The following CCDC148 variants were observed in gnomAD, a reference collection of about 807,000 sequenced individuals.
The protein encoded by CCDC148 is coiled-coil domain-containing protein 148.
In CCDC148, 89 loss-of-function variants were observed where a neutral mutation model predicts 85.7. That is an observed-to-expected ratio of 1.04 (90% CI 0.87 to 1.24). CCDC148 has a LOEUF of 1.24. CCDC148 is among the 50% of genes most tolerant of loss of function. The probability of loss-of-function intolerance (pLI) is 0.00; values close to 1 mark genes in which losing one functional copy is unlikely to be tolerated. For missense variants in CCDC148, 692 were observed against 671.7 expected, an observed-to-expected ratio of 1.03 and a Z score of -0.33; for synonymous variants, 230 against 213.9, an observed-to-expected ratio of 1.08 and a Z score of -0.66.
rs75272607 is a variant in CCDC148 at position 158,262,962 on chromosome 2, T to C, written c.1111-12050A>G. Among the ~76,000 whole-genome samples, 1,005 of 152,184 alleles carry C rather than the reference T, an allele frequency of 6.6e-3. 10 individuals carry two copies. Among genetic ancestry groups the C allele is most frequent in the Non-Finnish European group, 0.012 (797 of 67,984 alleles). ...AAACCACAGGGCCAGATGAGTACCA[T>C]CTAGCATGTCACTACGTGATTACGT... On this transcript the variant is annotated intron_variant, in intron 9 of 13. Transcript: ENST00000283233.
chr2:158,199,429 G>C (rs1456643470), intron 11 of CCDC148, among the ~76,000 whole-genome samples: 2 of 152,036 alleles, frequency 1.3e-5, no homozygotes, highest in African/African-American at 4.8e-5. Flanking sequence ...ATTTTCAGTA[G>C]AGACAGGGTT....
rs202065542 is a variant in CCDC148 at position 158,179,011 on chromosome 2, C to G, written c.1371-15G>C. ...TATATTTAACCCTTTAAAAATAACA[C>G]AGAAGGAAGTTGTGGAAGCATCATA... On this transcript the variant is annotated splice_polypyrimidine_tract_variant and intron_variant, in intron 11 of 13. Coordinates refer to ENST00000283233, the MANE Select transcript of CCDC148 (RefSeq NM_138803.4). 100 of 1,580,204 alleles carry G rather than the reference C, an allele frequency of 6.3e-5. No individual in the cohort carries two copies. The highest frequency in any genetic ancestry group is 8.6e-5 in the Non-Finnish European group (99 of 1,151,320).
At chr2:158,328,714 T>C (rs911152810) in intron 7 of CCDC148, among the ~76,000 whole-genome samples, 7 of 152,232 alleles carry the variant, frequency 4.6e-5, no homozygotes, top group African/African-American at 1.4e-4. Flanking sequence ...TTCTAACTGG[T>C]GTGAGATGGT....
At chr2:158,202,393 T>C (rs968449731) in intron 11 of CCDC148, among the ~76,000 whole-genome samples, 2 of 152,248 alleles carry the variant, frequency 1.3e-5, no homozygotes, top group Non-Finnish European at 2.9e-5. Flanking sequence ...TTTGGTTTAA[T>C]AGAATGTCAA....
intron 9 of CCDC148, among the ~76,000 whole-genome samples, chr2:158,263,160 G>A (rs969594276): frequency 1.3e-5 from 2 of 151,994 alleles, no homozygotes; most frequent in East Asian, 1.9e-4. Context: ...ATTCACAAAG[G>A]AGGATTTGGA....
intron 7 of CCDC148, among the ~76,000 whole-genome samples, chr2:158,336,706 CCATAA>C (rs1223734692): frequency 1.3e-5 from 2 of 152,100 alleles, no homozygotes; most frequent in Admixed American, 6.6e-5. Flanking sequence ...CCTACTGTTC[CCATAA>C]CATATCTTGC....
intron 11 of CCDC148, among the ~76,000 whole-genome samples, chr2:158,184,423 G>C (rs1339795846): frequency 6.6e-6 from 1 of 152,126 alleles, no homozygotes; most frequent in Non-Finnish European, 1.5e-5. Context: ...GGTTATAATA[G>C]TGGGGGGAAA....
chr2:158,338,082 A>C (rs965587622), intron 7 of CCDC148, among the ~76,000 whole-genome samples: 18 of 152,120 alleles, frequency 1.2e-4, no homozygotes, highest in African/African-American at 4.3e-4. Flanking sequence ...CATATACACT[A>C]TAAGGTAGAC....
At chr2:158,409,306 A>G (rs1306087070) in intron 1 of CCDC148, among the ~76,000 whole-genome samples, 1 of 152,182 alleles carries the variant, frequency 6.6e-6, no homozygotes, top group Non-Finnish European at 1.5e-5. Context: ...ACACTAAACG[A>G]CAGCCCATGA....
At chr2:158,250,584 G>T (rs190187232) in intron 10 of CCDC148, among the ~76,000 whole-genome samples, 188 bp downstream of exon 10, 363 of 149,950 alleles carry the variant, frequency 2.4e-3, no homozygotes, top group Non-Finnish European at 3.2e-3. Context: ...AACAAAGTGG[G>T]TTCTCCTCCA....
intron 1 of CCDC148, among the ~76,000 whole-genome samples, chr2:158,369,946 A>G (rs964467599): frequency 1.3e-5 from 2 of 151,992 alleles, no homozygotes; most frequent in Non-Finnish European, 2.9e-5. Flanking sequence ...TTTTGTCTTT[A>G]GTTCTGTTTA....
At chr2:158,422,225 C>G (rs1446287713) in intron 1 of CCDC148, among the ~76,000 whole-genome samples, 1 of 152,166 alleles carries the variant, frequency 6.6e-6, no homozygotes, top group East Asian at 1.9e-4. Context: ...GGAATCCTCC[C>G]TAACTCATTT....
At chr2:158,395,619 G>A (rs1574746905) in intron 1 of CCDC148, among the ~76,000 whole-genome samples, 1 of 152,080 alleles carries the variant, frequency 6.6e-6, no homozygotes, top group African/African-American at 2.4e-5. Flanking sequence ...TGAACAACAT[G>A]GACAGCCTTT....
intron 11 of CCDC148, among the ~76,000 whole-genome samples, chr2:158,214,574 T>C: frequency 6.6e-6 from 1 of 152,174 alleles, no homozygotes; most frequent in East Asian, 1.9e-4. Context: ...TCATGTTTCA[T>C]TCTTTGTCTT....
chr2:158,202,621 ACT>A (rs1558978085), intron 11 of CCDC148, among the ~76,000 whole-genome samples: 2 of 152,142 alleles, frequency 1.3e-5, no homozygotes, highest in Non-Finnish European at 2.9e-5. Context: ...CATCTATTCA[ACT>A]CTGTCACTGC....
intron 2 of CCDC148, among the ~76,000 whole-genome samples, chr2:158,354,851 C>T (rs1168765409): frequency 2.0e-5 from 3 of 151,312 alleles, no homozygotes; most frequent in Non-Finnish European, 4.4e-5. Context: ...CAAAACGAAT[C>T]CAGCAGCACA....
chr2:158,320,964 A>T (rs1019248969), intron 7 of CCDC148, among the ~76,000 whole-genome samples: 1 of 152,206 alleles, frequency 6.6e-6, no homozygotes, highest in Non-Finnish European at 1.5e-5. Context: ...ATACCTAGAT[A>T]TACTTTTCAC....
chr2:158,351,869 C>G (rs1015451819), intron 2 of CCDC148, among the ~76,000 whole-genome samples: 2 of 150,376 alleles, frequency 1.3e-5, no homozygotes, highest in African/African-American at 4.9e-5. Context: ...CAGCACACAG[C>G]TGGAGATCTG....
chr2:158,421,679 C>T (rs1048105765), intron 1 of CCDC148, among the ~76,000 whole-genome samples: 1 of 152,066 alleles, frequency 6.6e-6, no homozygotes, highest in Non-Finnish European at 1.5e-5. Flanking sequence ...ATTAAAAGAA[C>T]TCAAGAAGCA....
Sources: gnomAD v4.1 joint callset for allele counts (sites outside exome capture counted in the v4.1 genomes callset) on GRCh38, gnomAD v4.1.1 for gene constraint, MANE v1.5 for transcripts, NCBI Gene and HGNC (gene_info 2026-07-23, HGNC 2026-07-21) for gene names.